CNTNAP5: variants seen among roughly 807,000 people sequenced by gnomAD.
CNTNAP5 encodes the protein contactin associated protein family member 5, also known as contactin-associated protein-like 5.
A neutral mutation model predicts 150.2 loss-of-function variants in CNTNAP5; 72 were observed. The ratio of observed to expected loss-of-function variants is 0.48; its 90% CI spans 0.40 to 0.58. The LOEUF is 0.58. Among genes scored for constraint, CNTNAP5 ranks in the 20% least tolerant of loss-of-function variants. The pLI is 0.00. For synonymous variants in CNTNAP5, 672 were observed against 619.8 expected (o/e 1.08, Z -1.25); for missense variants, 1,636 against 1,626.2 (o/e 1.01, Z -0.10).
chr2:124,732,601 T>C (rs1410877531), intron 13 of CNTNAP5, among the ~76,000 whole-genome samples: 1 of 152,112 alleles, frequency 6.6e-6, no homozygotes, highest in Admixed American at 6.6e-5. Flanking sequence ...CTTCCCAGCA[T>C]CCAGAATTGT....
At chr2:124,491,437 A>G (rs767190160) in intron 7 of CNTNAP5, among the ~76,000 whole-genome samples, 1 of 89,316 alleles carries the variant, frequency 1.1e-5, no homozygotes, top group Non-Finnish European at 2.2e-5. Flanking sequence ...GTGTTTATAT[A>G]TATACACACA....
chr2:124,029,260 G>T (rs896932426), intron 1 of CNTNAP5, among the ~76,000 whole-genome samples: 1 of 151,980 alleles, frequency 6.6e-6, no homozygotes, highest in South Asian at 2.1e-4. Flanking sequence ...TGAGTTATCC[G>T]AAGCTTATGC....
chr2:124,043,895 G>A (rs557385330), intron 1 of CNTNAP5, among the ~76,000 whole-genome samples: 20 of 152,156 alleles, frequency 1.3e-4, no homozygotes, highest in African/African-American at 4.6e-4. Flanking sequence ...ACAATTTTGG[G>A]TTTCTCCCAA....
intron 11 of CNTNAP5, among the ~76,000 whole-genome samples, chr2:124,602,301 C>G (rs1697004138): frequency 7.2e-6 from 1 of 138,930 alleles, no homozygotes; most frequent in Non-Finnish European, 1.5e-5. Flanking sequence ...AAGATCATGC[C>G]ACTGCACTCC....
intron 19 of CNTNAP5, among the ~76,000 whole-genome samples, chr2:124,842,154 A>G (rs77072831): frequency 0.014 from 2,089 of 152,252 alleles, 27 homozygotes; most frequent in South Asian, 0.042. Context: ...TATTGCCTTC[A>G]AGCCCTGTAA....
chr2:124,795,355 C>T (rs1465902622), intron 18 of CNTNAP5, among the ~76,000 whole-genome samples: 1 of 152,160 alleles, frequency 6.6e-6, no homozygotes, highest in East Asian at 1.9e-4. Flanking sequence ...TCATGTCACC[C>T]ATCAATGCCC....
chr2:124,704,590 C>T (rs547894703), intron 13 of CNTNAP5, among the ~76,000 whole-genome samples: 1 of 152,248 alleles, frequency 6.6e-6, no homozygotes, highest in South Asian at 2.1e-4. Flanking sequence ...AGACAGAGTA[C>T]TTCTTATATG....
At chr2:124,854,246 C>A (rs1677297618) in intron 19 of CNTNAP5, among the ~76,000 whole-genome samples, 2 of 152,206 alleles carry the variant, frequency 1.3e-5, no homozygotes, top group Admixed American at 6.5e-5. Flanking sequence ...TATCCATCCA[C>A]TCATCCTTCT....
chr2:124,831,825 C>T lies in CNTNAP5; in HGVS notation c.3218-33481C>T, dbSNP rs553428323. On this transcript the variant is annotated intron_variant, in intron 19 of 23. Coordinates refer to ENST00000682447, the MANE Select transcript of CNTNAP5 (RefSeq NM_001367498.1). ...TATTTACCTAATTTATTATTTTTAA[C>T]AGATTGCCTAGATTACTTATGAAAA... 2.0e-5 allele frequency among the ~76,000 whole-genome samples: 3 copies of T among 151,834 alleles called. No individual in the cohort carries two copies. In the South Asian group the frequency reaches 6.2e-4, roughly 31 times the overall value.
At chr2:124,765,276 C>A (rs978973927) in intron 16 of CNTNAP5, among the ~76,000 whole-genome samples, 4 of 152,030 alleles carry the variant, frequency 2.6e-5, no homozygotes, top group Admixed American at 6.6e-5. Context: ...TGATAAATTT[C>A]TATTTTATTA....
At chr2:124,465,696 G>A (rs1693360676) in intron 6 of CNTNAP5, among the ~76,000 whole-genome samples, 1 of 152,146 alleles carries the variant, frequency 6.6e-6, no homozygotes, top group African/African-American at 2.4e-5. Context: ...AGCATCTACT[G>A]TGTTTCACGT....
At chr2:124,905,038 C>CA (rs55882801) in intron 22 of CNTNAP5, among the ~76,000 whole-genome samples, 2,682 of 50,576 alleles carry the variant, frequency 0.053, 132 homozygotes, top group Admixed American at 0.22. Flanking sequence ...AACTCAATAG[C>CA]AAAAAAAAAA....
chr2:124,399,051 T>G (rs1023647674), intron 3 of CNTNAP5, among the ~76,000 whole-genome samples: 2 of 152,196 alleles, frequency 1.3e-5, no homozygotes, highest in Admixed American at 6.5e-5. Flanking sequence ...TCCTTTAGCT[T>G]GTAAAGATTT....
chr2:124,188,770 A>G (rs1685393922), intron 1 of CNTNAP5, among the ~76,000 whole-genome samples: 1 of 151,404 alleles, frequency 6.6e-6, no homozygotes, highest in Non-Finnish European at 1.5e-5. Context: ...AGAGAGAGAA[A>G]GAGAGAGAGA....
intron 1 of CNTNAP5, among the ~76,000 whole-genome samples, chr2:124,212,644 A>T (rs1449210337): frequency 6.6e-6 from 1 of 152,066 alleles, no homozygotes; most frequent in African/African-American, 2.4e-5. Flanking sequence ...ACCGTATTTG[A>T]TTTTAAACAC....
At chr2:124,057,264 G>A (rs865885824) in intron 1 of CNTNAP5, among the ~76,000 whole-genome samples, 1 of 144,300 alleles carries the variant, frequency 6.9e-6, no homozygotes, top group Non-Finnish European at 1.5e-5. Flanking sequence ...CCCCTACATC[G>A]AATAAATTAA....
Position 124,417,465 on chromosome 2 carries a change from C to G in CNTNAP5, c.404C>G (p.Ala135Gly), listed in dbSNP as rs1410371728. ...CAGACCTTTGCAGGAAACATGAATG[C>G]TGACAGCGTGGTGCACCACAAGCTA... ...SIWTFAGNMN[A>G]DSVVHHKLLH... is the part of the protein sequence containing the mutation. Residue 135 changes from alanine to glycine, a missense_variant, in exon 4 of 24, where the codon GCT becomes GGT. Ala to Gly is a moderately conservative substitution (Grantham distance 60). Transcript: ENST00000682447. 1.2e-6 allele frequency: 2 copies of G among 1,613,904 alleles called. No homozygotes were observed. Among genetic ancestry groups the G allele is most frequent in the East Asian group, 2.2e-5 (1 of 44,870 alleles).
intron 7 of CNTNAP5, among the ~76,000 whole-genome samples, chr2:124,482,048 C>T (rs534887748): frequency 1.3e-5 from 2 of 152,258 alleles, no homozygotes; most frequent in East Asian, 1.9e-4. Flanking sequence ...TTTAAAAAAA[C>T]GGGCTATGTA....
At chr2:124,377,300 A>G (rs1193196956) in intron 3 of CNTNAP5, among the ~76,000 whole-genome samples, 2 of 152,154 alleles carry the variant, frequency 1.3e-5, no homozygotes, top group African/African-American at 4.8e-5. Flanking sequence ...TTTAAAGGTT[A>G]GCTAATGGGT....
Sources: gnomAD v4.1 joint callset for allele counts (sites outside exome capture counted in the v4.1 genomes callset) on GRCh38, gnomAD v4.1.1 for gene constraint, MANE v1.5 for transcripts, NCBI Gene and HGNC (gene_info 2026-07-23, HGNC 2026-07-21) for gene names.